Variants in DIP2B observed in about 807,000 individuals in gnomAD.
The protein encoded by DIP2B is DIP2 acetate--CoA ligase B (putative).
In DIP2B, 76 loss-of-function variants were observed where a neutral mutation model predicts 198.0. The observed-to-expected ratio is 0.38, with a 90% CI of 0.32 to 0.46. The LOEUF (loss-of-function observed/expected upper bound fraction) is 0.46, where lower values mean the gene tolerates loss of function less well. Ranked by LOEUF, DIP2B falls within the 20% of genes least tolerant of loss-of-function variation. DIP2B has a pLI of 0.99. For synonymous variants in DIP2B, 701 were observed against 739.1 expected (o/e 0.95, Z 0.84); for missense variants, 1,559 against 1,978.4 (o/e 0.79, Z 4.02).
At chr12:50,517,108 A>G (rs966672542) in intron 1 of DIP2B, among the ~76,000 whole-genome samples, 2 of 151,876 alleles carry the variant, frequency 1.3e-5, no homozygotes, top group African/African-American at 2.4e-5. Context: ...TTTAGTAGAG[A>G]TGGGGTTTCA....
At chr12:50,535,124 C>T (rs901449560) in intron 1 of DIP2B, among the ~76,000 whole-genome samples, 3 of 151,916 alleles carry the variant, frequency 2.0e-5, no homozygotes, top group East Asian at 1.9e-4. Context: ...CCCAGCTACC[C>T]GGGATGCTAA....
intron 1 of DIP2B, among the ~76,000 whole-genome samples, chr12:50,562,574 A>C (rs1433970162): frequency 6.6e-6 from 1 of 151,990 alleles, no homozygotes; most frequent in Non-Finnish European, 1.5e-5. Context: ...CTCTACAAAA[A>C]ATAAAAAAGT....
intron 1 of DIP2B, among the ~76,000 whole-genome samples, chr12:50,579,528 C>G (rs1958695357): frequency 7.1e-6 from 1 of 140,068 alleles, no homozygotes; most frequent in Admixed American, 7.5e-5. Context: ...AGGAAAATCA[C>G]TTGAACCTGG....
intron 1 of DIP2B, among the ~76,000 whole-genome samples, 178 bp from the exon 2 acceptor site, chr12:50,625,798 C>T (rs532650044): frequency 1.3e-5 from 2 of 152,226 alleles, no homozygotes; most frequent in African/African-American, 4.8e-5. Flanking sequence ...AAGTCAGCTC[C>T]AAGCCTGTGG....
At chr12:50,637,710 C>CTATT (rs903081482) in intron 2 of DIP2B, among the ~76,000 whole-genome samples, 1 of 152,158 alleles carries the variant, frequency 6.6e-6, no homozygotes, top group African/African-American at 2.4e-5. Flanking sequence ...AGAAGTTGAA[C>CTATT]TATTAGGTTC....
chr12:50,730,677 G>A (rs1351094555), intron 30 of DIP2B, among the ~76,000 whole-genome samples: 9 of 152,096 alleles, frequency 5.9e-5, no homozygotes, highest in East Asian at 5.8e-4. Context: ...GTGAGCCACC[G>A]TGCCTGGCCA....
At chr12:50,728,508 G>GATA in intron 29 of DIP2B, 40 bp from the exon 30 acceptor site, 1 of 1,593,696 alleles carries the variant, frequency 6.3e-7, no homozygotes, top group Non-Finnish European at 8.6e-7. Context: ...CTGCCTGTGG[G>GATA]ATAACAGTCC....
At chr12:50,720,385 T>C (rs1429591180) in intron 25 of DIP2B, among the ~76,000 whole-genome samples, 1 of 151,964 alleles carries the variant, frequency 6.6e-6, no homozygotes, top group Non-Finnish European at 1.5e-5. Flanking sequence ...TTAGGGGACT[T>C]ATCCAAAGTA....
intron 15 of DIP2B, 83 bp downstream of exon 15, chr12:50,695,443 C>T: frequency 1.6e-6 from 2 of 1,289,414 alleles, no homozygotes; most frequent in Non-Finnish European, 2.2e-6. Flanking sequence ...TCAAATTGCC[C>T]TTGTATGCCC....
intron 4 of DIP2B, among the ~76,000 whole-genome samples, chr12:50,665,344 G>C (rs1250621259): frequency 1.3e-5 from 2 of 152,190 alleles, no homozygotes; most frequent in African/African-American, 4.8e-5. Flanking sequence ...AAATAAGCAA[G>C]TTCATAGTCG....
intron 1 of DIP2B, among the ~76,000 whole-genome samples, chr12:50,576,029 A>T (rs1242078134): frequency 6.6e-6 from 1 of 151,308 alleles, no homozygotes; most frequent in Non-Finnish European, 1.5e-5. Flanking sequence ...AAGAGCTGGA[A>T]TTACAAGTGT....
chr12:50,589,379 TAG>T (rs1958799692), intron 1 of DIP2B, among the ~76,000 whole-genome samples: 1 of 151,484 alleles, frequency 6.6e-6, no homozygotes, highest in African/African-American at 2.4e-5. Context: ...CTATTTTTAG[TAG>T]AGAGGGGGTT....
chr12:50,532,277 G>A (rs975727808), intron 1 of DIP2B, among the ~76,000 whole-genome samples: 2 of 152,194 alleles, frequency 1.3e-5, no homozygotes, highest in Admixed American at 6.6e-5. Flanking sequence ...CACTTTGGGA[G>A]GCTGAGGCAG....
chr12:50,738,217 G>A lies in DIP2B; in HGVS notation c.4176+1107G>A, dbSNP rs534502360. Among the ~76,000 whole-genome samples, 196 of 152,096 alleles carry A rather than the reference G, an allele frequency of 1.3e-3. 1 individual carries two copies. Among genetic ancestry groups the A allele is most frequent in the African/African-American group, 4.2e-3 (175 of 41,510 alleles). On this transcript the variant is annotated intron_variant, in intron 35 of 37. Coordinates refer to ENST00000301180, the MANE Select transcript of DIP2B (RefSeq NM_173602.3). ...TAGCTGGACATGGTGGCGTGTGCCC[G>A]TAGTCCCAGCTACTCAGGAGGCTGA...
At chr12:50,539,657 T>A in intron 1 of DIP2B, among the ~76,000 whole-genome samples, 1 of 148,224 alleles carries the variant, frequency 6.7e-6, no homozygotes. Flanking sequence ...TAAAGAAGAA[T>A]AATAGATTGA....
chr12:50,591,024 C>A (rs1276727457), intron 1 of DIP2B, among the ~76,000 whole-genome samples: 1 of 152,202 alleles, frequency 6.6e-6, no homozygotes, highest in Non-Finnish European at 1.5e-5. Context: ...CACACAGGTT[C>A]AGCTAGCTTG....
At chr12:50,669,040 CT>C (rs1339483008) in intron 4 of DIP2B, among the ~76,000 whole-genome samples, 1 of 152,122 alleles carries the variant, frequency 6.6e-6, no homozygotes, top group Non-Finnish European at 1.5e-5. Flanking sequence ...TCTCTCCACC[CT>C]CATTTTTTTC....
Position 50,745,909 on chromosome 12 carries a change from T to G in DIP2B, c.*1070T>G, listed in dbSNP as rs35845404. On this transcript the variant is annotated 3_prime_UTR_variant, in exon 38 of 38. Coordinates refer to ENST00000301180, the MANE Select transcript of DIP2B (RefSeq NM_173602.3). ...AACTTCTCTTCTGAAAACTGAGGAG[T>G]GTCCTCTGTTCTTCCAGTTCACGAG... 43,714 of 151,978 alleles carry G rather than the reference T, an allele frequency of 0.29. 6,599 individuals are homozygous for G. Among genetic ancestry groups the G allele is most frequent in the East Asian group, 0.41 (2,113 of 5,166 alleles). 9.4% of individuals were successfully genotyped at this position (151,978 alleles called of 1,614,324 possible). A position where few individuals can be genotyped will look rare whatever the true frequency, so the allele number is the denominator to read the frequency against.
chr12:50,540,053 G>GTTTTTTTTTTTT lies in DIP2B; in HGVS notation c.100+34831_100+34842dup, dbSNP rs60978324. ...TGGCAGGTAGTTTAGTTGTTTCTGT[G>GTTTTTTTTTTTT]TTTTTTTTTTTTTTTTTTTTTTTTT... On this transcript the variant is annotated intron_variant, in intron 1 of 37. Transcript: ENST00000301180. 1.9e-3 allele frequency among the ~76,000 whole-genome samples: 82 copies of GTTTTTTTTTTTT among 44,158 alleles called. 2 individuals carry two copies. Among genetic ancestry groups the GTTTTTTTTTTTT allele is most frequent in the Non-Finnish European group, 2.3e-3 (58 of 25,646 alleles). 29.0% of individuals were successfully genotyped at this position (44,158 alleles called of 152,430 possible).
Sources: gnomAD v4.1 joint callset for allele counts (sites outside exome capture counted in the v4.1 genomes callset) on GRCh38, gnomAD v4.1.1 for gene constraint, MANE v1.5 for transcripts, NCBI Gene and HGNC (gene_info 2026-07-23, HGNC 2026-07-21) for gene names.